The following DLGAP1 variants were observed in gnomAD, a reference collection of about 807,000 sequenced individuals.
The protein encoded by DLGAP1 is disks large-associated protein 1.
Under a neutral mutation model 90.8 loss-of-function variants are expected in DLGAP1, and 11 were observed. The ratio of observed to expected loss-of-function variants is 0.12; its 90% CI spans 0.08 to 0.20. The LOEUF (loss-of-function observed/expected upper bound fraction) is 0.20, where lower values mean the gene tolerates loss of function less well. DLGAP1 is among the 10% of genes least tolerant of loss of function. DLGAP1 has a pLI of 1.00. For synonymous variants in DLGAP1, 558 were observed against 540.7 expected (o/e 1.03, Z -0.44); for missense variants, 1,050 against 1,333.8 (o/e 0.79, Z 3.31).
chr18:4,058,185 T>C (rs2075249302), intron 2 of DLGAP1, among the ~76,000 whole-genome samples: 1 of 152,244 alleles, frequency 6.6e-6, no homozygotes, highest in Non-Finnish European at 1.5e-5. Context: ...TCTGTGTATA[T>C]TTGAAATGGC....
chr18:4,148,062 TC>T (rs2076615592), intron 2 of DLGAP1, among the ~76,000 whole-genome samples: 1 of 152,150 alleles, frequency 6.6e-6, no homozygotes, highest in South Asian at 2.1e-4. Flanking sequence ...CATCCTTGTC[TC>T]TCTTTTCCAT....
chr18:4,323,315 G>C (rs773047937), intron 1 of DLGAP1, among the ~76,000 whole-genome samples: 70 of 152,096 alleles, frequency 4.6e-4, no homozygotes, highest in Admixed American at 7.9e-4. Flanking sequence ...TGAAGAAAAG[G>C]AAACCCTTGT....
rs148097114 is a variant in DLGAP1 at position 4,337,573 on chromosome 18, G to C, written c.-267+117433C>G. ...ATTTACAAATGTATGACATTTTAGA[G>C]AGAAATATTTTAGCTCTAGTATTCT... is the stretch of plus-strand genomic sequence containing the variant. On this transcript the variant is annotated intron_variant, in intron 1 of 12. Coordinates refer to ENST00000315677, the MANE Select transcript of DLGAP1 (RefSeq NM_004746.4). Among the ~76,000 whole-genome samples, 661 of 152,216 alleles carry C rather than the reference G, an allele frequency of 4.3e-3. 9 individuals are homozygous for C. Among genetic ancestry groups the C allele is most frequent in the African/African-American group, 0.014 (591 of 41,522 alleles).
At chr18:3,508,886 T>C (rs553474012) in intron 10 of DLGAP1, among the ~76,000 whole-genome samples, 19 of 152,198 alleles carry the variant, frequency 1.2e-4, no homozygotes, top group Admixed American at 1.0e-3. Context: ...GAAAAACACA[T>C]GCTCCTCCTG....
chr18:4,253,021 A>G (rs2078815433), intron 1 of DLGAP1, among the ~76,000 whole-genome samples: 1 of 152,218 alleles, frequency 6.6e-6, no homozygotes, highest in South Asian at 2.1e-4. Flanking sequence ...GGCATTTGGA[A>G]TCCCTGGGAG....
intron 5 of DLGAP1, among the ~76,000 whole-genome samples, chr18:3,812,845 TTTGA>T (rs1328374878): frequency 3.3e-5 from 5 of 152,230 alleles, no homozygotes; most frequent in Non-Finnish European, 5.9e-5. Context: ...ACTCGACTGC[TTTGA>T]TTTTTTGTTT....
chr18:4,057,407 A>C (rs972276206), intron 2 of DLGAP1, among the ~76,000 whole-genome samples: 1 of 152,178 alleles, frequency 6.6e-6, no homozygotes, highest in African/African-American at 2.4e-5. Flanking sequence ...ACTCCAGTAA[A>C]CACACTGTGT....
intron 7 of DLGAP1, among the ~76,000 whole-genome samples, chr18:3,717,447 AG>A (rs1414897754): frequency 6.6e-6 from 1 of 152,334 alleles, no homozygotes; most frequent in East Asian, 1.9e-4. Flanking sequence ...GAGAAAGAAA[AG>A]GAAGGCTTTC....
chr18:4,237,806 A>T (rs915811478), intron 1 of DLGAP1, among the ~76,000 whole-genome samples: 5 of 152,220 alleles, frequency 3.3e-5, no homozygotes, highest in African/African-American at 1.2e-4. Context: ...TGTTAACATG[A>T]ATCACTTTGT....
intron 10 of DLGAP1, among the ~76,000 whole-genome samples, chr18:3,510,447 CAA>C (rs755910521): frequency 1.3e-5 from 2 of 152,224 alleles, no homozygotes; most frequent in Non-Finnish European, 2.9e-5. Flanking sequence ...AAGGAAAAAA[CAA>C]AGTCTGGATG....
At chr18:4,272,320 G>T (rs765550915) in intron 1 of DLGAP1, among the ~76,000 whole-genome samples, 4 of 152,130 alleles carry the variant, frequency 2.6e-5, no homozygotes, top group Non-Finnish European at 5.9e-5. Context: ...GGTGTGATGT[G>T]AATTCAGTTT....
chr18:3,821,808 T>C (rs1598883042), intron 4 of DLGAP1: 2 of 698,228 alleles, frequency 2.9e-6, no homozygotes, highest in Non-Finnish European at 3.5e-6. Flanking sequence ...GACTTTAGGT[T>C]CCTGCCTACA....
intron 1 of DLGAP1, among the ~76,000 whole-genome samples, chr18:4,403,870 T>C (rs2082608606): frequency 6.6e-6 from 1 of 152,194 alleles, no homozygotes; most frequent in Non-Finnish European, 1.5e-5. Flanking sequence ...GGCTATGAAA[T>C]ATCAAGAAGA....
At chr18:3,741,034 A>ATCACCTCACCACCACCACCC (rs2062917411) in intron 6 of DLGAP1, among the ~76,000 whole-genome samples, 1 of 86,450 alleles carries the variant, frequency 1.2e-5, no homozygotes, top group African/African-American at 4.7e-5. Context: ...CACCACCACC[A>ATCACCTCACCACCACCACCC]CCATCACCTC....
intron 2 of DLGAP1, among the ~76,000 whole-genome samples, chr18:4,140,958 T>C (rs2076485746): frequency 6.6e-6 from 1 of 152,000 alleles, no homozygotes; most frequent in Non-Finnish European, 1.5e-5. Context: ...GCTTTTAGGA[T>C]CCTTTCATTA....
chr18:4,169,588 G>A (rs878985112), intron 1 of DLGAP1, among the ~76,000 whole-genome samples: 2 of 152,148 alleles, frequency 1.3e-5, no homozygotes, highest in African/African-American at 4.8e-5. Flanking sequence ...TCAATGCTCC[G>A]ATCTCAACCA....
intron 7 of DLGAP1, among the ~76,000 whole-genome samples, chr18:3,635,790 G>T (rs1378046935): frequency 1.3e-5 from 2 of 151,478 alleles, no homozygotes; most frequent in African/African-American, 4.9e-5. Flanking sequence ...TAAATAGTCA[G>T]CAATTCCATG....
chr18:4,390,597 C>T (rs934306962), intron 1 of DLGAP1, among the ~76,000 whole-genome samples: 9 of 152,254 alleles, frequency 5.9e-5, no homozygotes, highest in East Asian at 3.9e-4. Flanking sequence ...CTTTCTAGAA[C>T]GTCATACAGT....
At chr18:4,031,286 C>T (rs1156801749) in intron 2 of DLGAP1, among the ~76,000 whole-genome samples, 1 of 151,946 alleles carries the variant, frequency 6.6e-6, no homozygotes, top group Non-Finnish European at 1.5e-5. Context: ...GGAGTTTTAG[C>T]TGGTTAATCA....
Sources: allele counts gnomAD v4.1 joint callset (sites outside exome capture counted in the v4.1 genomes callset), GRCh38; gene constraint gnomAD v4.1.1; transcripts MANE v1.5; gene names NCBI Gene and HGNC (gene_info 2026-07-23, HGNC 2026-07-21).